The following ADCY2 variants were observed in gnomAD, a reference collection of about 807,000 sequenced individuals.
ADCY2 encodes the protein adenylate cyclase 2.
Under a neutral mutation model 125.2 loss-of-function variants are expected in ADCY2, and 31 were observed. The observed-to-expected ratio is 0.25, with a 90% CI of 0.19 to 0.33. The LOEUF is 0.33. Among genes scored for constraint, ADCY2 ranks in the 10% least tolerant of loss-of-function variants. The pLI, the probability that ADCY2 is intolerant of heterozygous loss-of-function variation, is 1.00. For missense variants in ADCY2, 904 were observed against 1,418.2 expected, an observed-to-expected ratio of 0.64 and a Z score of 5.82; for synonymous variants, 512 against 548.4, an observed-to-expected ratio of 0.93 and a Z score of 0.93.
chr5:7,636,506 A>T (rs1297473436), intron 4 of ADCY2, among the ~76,000 whole-genome samples: 1 of 152,218 alleles, frequency 6.6e-6, no homozygotes, highest in Non-Finnish European at 1.5e-5. Flanking sequence ...TGGTTACCAG[A>T]AGGCAGTATA....
intron 3 of ADCY2, among the ~76,000 whole-genome samples, chr5:7,615,300 C>T (rs1448229810): frequency 6.6e-6 from 1 of 152,164 alleles, no homozygotes; most frequent in African/African-American, 2.4e-5. Flanking sequence ...GGTAAGGAAA[C>T]TTCTGTTGCT....
At position 7,827,468 on chromosome 5, in the gene ADCY2, G is replaced by A. The variant is rs1437241700; in HGVS notation, c.*597G>A. ...CTAGGACCAGTTTTGTATCAAACTC[G>A]TCTGATGTTTTGATGCCATTTGTCT... On this transcript the variant is annotated 3_prime_UTR_variant, in exon 25 of 25. Coordinates refer to ENST00000338316, the MANE Select transcript of ADCY2 (RefSeq NM_020546.3). The A allele has an allele frequency of 1.3e-5, 2 of 152,602 alleles. No homozygotes were observed. The highest frequency in any genetic ancestry group is 6.5e-5 in the Admixed American group (1 of 15,288). The allele number at this position is 152,602 out of a possible 1,614,324, so 9.5% of individuals were successfully genotyped here. A position where few individuals can be genotyped will look rare whatever the true frequency, so the allele number is the denominator to read the frequency against.
chr5:7,664,412 A>G (rs1431206657), intron 4 of ADCY2, among the ~76,000 whole-genome samples: 1 of 152,176 alleles, frequency 6.6e-6, no homozygotes, highest in East Asian at 1.9e-4. Context: ...CTTTCCCTTC[A>G]GGAATGGAAA....
At chr5:7,797,129 C>T (rs1744445194) in intron 20 of ADCY2, 1 of 152,258 alleles carries the variant, frequency 6.6e-6, no homozygotes, top group Non-Finnish European at 1.5e-5. Context: ...GCGTCCTCTG[C>T]AGGAGGGTCA....
At chr5:7,629,109 G>A (rs1327686432) in intron 4 of ADCY2, among the ~76,000 whole-genome samples, 2 of 152,230 alleles carry the variant, frequency 1.3e-5, no homozygotes, top group African/African-American at 4.8e-5. Flanking sequence ...CCAGAAAACA[G>A]TTTCAGTCAT....
intron 2 of ADCY2, among the ~76,000 whole-genome samples, chr5:7,418,397 C>T (rs1167443510): frequency 6.6e-6 from 1 of 152,134 alleles, no homozygotes; most frequent in Non-Finnish European, 1.5e-5. Flanking sequence ...GGCCCTCTCA[C>T]CCAAGGCATG....
In ADCY2 at chr5:7,772,971, TC is replaced by T; in HGVS notation, c.2256del (p.Val753CysfsTer5). On this transcript the variant is annotated frameshift_variant, in exon 18 of 25. Transcript: ENST00000338316. LOFTEE classifies it high-confidence loss of function. ...YSCILGLISC[S>X]VFLRVNYELK... ...CTGCATTCTGGGACTGATATCCTGT[TC>T]CGTGTTCCTGCGGGTAAACTATGAG... The T allele has an allele frequency of 6.2e-7, 1 of 1,614,180 alleles. No individual in the cohort carries two copies. Among genetic ancestry groups the T allele is most frequent in the Non-Finnish European group, 8.5e-7 (1 of 1,180,034 alleles).
chr5:7,756,319 G>A lies in ADCY2; in HGVS notation c.1957-1130G>A, dbSNP rs187296658. Among the ~76,000 whole-genome samples, 990 of 152,326 alleles carry A rather than the reference G, an allele frequency of 6.5e-3. 4 individuals are homozygous for A. The highest frequency in any genetic ancestry group is 0.01 in the Non-Finnish European group (687 of 68,030). On this transcript the variant is annotated intron_variant, in intron 15 of 24. Coordinates refer to ENST00000338316, the MANE Select transcript of ADCY2 (RefSeq NM_020546.3). ...ACTGAGACCCCATGGTGAATGGGGA[G>A]CAAATGCTGGCTGTCGTTCCCCAAA...
intron 2 of ADCY2, among the ~76,000 whole-genome samples, chr5:7,431,894 C>T (rs887231923): frequency 1.3e-5 from 2 of 152,058 alleles, no homozygotes; most frequent in African/African-American, 2.4e-5. Flanking sequence ...GTGAGGGCCC[C>T]ACCCTCAAGC....
chr5:7,744,940 T>C (rs554737154), intron 15 of ADCY2, among the ~76,000 whole-genome samples: 56 of 152,370 alleles, frequency 3.7e-4, no homozygotes, highest in African/African-American at 1.2e-3. Flanking sequence ...AACAACGCAT[T>C]TAGATGACAC....
intron 3 of ADCY2, among the ~76,000 whole-genome samples, chr5:7,573,551 C>G (rs1231328854): frequency 6.8e-6 from 1 of 147,702 alleles, no homozygotes; most frequent in Non-Finnish European, 1.5e-5. Flanking sequence ...ACATAAAAAA[C>G]TGGGAAAACA....
chr5:7,718,912 T>G (rs757053769), intron 12 of ADCY2, among the ~76,000 whole-genome samples: 2 of 152,152 alleles, frequency 1.3e-5, no homozygotes, highest in Non-Finnish European at 2.9e-5. Context: ...AAATAGCATC[T>G]GATACTGTGT....
intron 22 of ADCY2, among the ~76,000 whole-genome samples, chr5:7,810,244 T>A (rs1366736867): frequency 3.3e-5 from 5 of 151,564 alleles, no homozygotes; most frequent in Non-Finnish European, 7.4e-5. Context: ...TGGGTTATCT[T>A]CCTGATTGAT....
chr5:7,474,064 C>T (rs1372991118), intron 2 of ADCY2, among the ~76,000 whole-genome samples: 2 of 152,174 alleles, frequency 1.3e-5, no homozygotes, highest in African/African-American at 2.4e-5. Context: ...TGCTCTGTGA[C>T]CTCAGCTCTC....
chr5:7,400,569 G>A (rs866767659), intron 1 of ADCY2, among the ~76,000 whole-genome samples: 25 of 152,170 alleles, frequency 1.6e-4, no homozygotes, highest in African/African-American at 6.0e-4. Flanking sequence ...CCCAATAGGT[G>A]GAAGAATCAC....
chr5:7,704,023 G>A (rs1261708764), intron 7 of ADCY2, among the ~76,000 whole-genome samples: 1 of 150,486 alleles, frequency 6.6e-6, no homozygotes, highest in Non-Finnish European at 1.5e-5. Flanking sequence ...AGTTTATTTT[G>A]TTACACCCCT....
At chr5:7,763,733 T>G (rs1299638194) in intron 16 of ADCY2, among the ~76,000 whole-genome samples, 1 of 152,208 alleles carries the variant, frequency 6.6e-6, no homozygotes, top group East Asian at 1.9e-4. Flanking sequence ...GTTCCTTTTC[T>G]TCTGGAAGCC....
In ADCY2 at chr5:7,396,528, C is replaced by T. The variant is rs1739048442; in HGVS notation, c.210+22C>T. On this transcript the variant is annotated intron_variant, in intron 1 of 24. Coordinates refer to ENST00000338316, the MANE Select transcript of ADCY2 (RefSeq NM_020546.3). This position sits in a 1 kb window ranked among gnomAD's most constrained non-coding sequence, Gnocchi z 5.7. ...GCTGGTGAGTGGCCTCCCCGCGGGT[C>T]CAGCGCCGCGCCTTCCCCGGCCCTG... 2 of 1,546,596 alleles carry T rather than the reference C, an allele frequency of 1.3e-6. No homozygotes were observed. The highest frequency in any genetic ancestry group is 1.2e-5 in the South Asian group (1 of 86,366).
rs193159735 is a variant in ADCY2, at chr5:7,416,998, T to G, written c.408+2228T>G. 9.3e-4 allele frequency among the ~76,000 whole-genome samples: 142 copies of G among 152,340 alleles called. 2 individuals are homozygous for G. The Middle Eastern group carries it at 0.02, about 22-fold the overall frequency. On this transcript the variant is annotated intron_variant, in intron 2 of 24. Coordinates refer to ENST00000338316, the MANE Select transcript of ADCY2 (RefSeq NM_020546.3). ...TGTTCAATGAAAAGTCCATTTGGGT[T>G]CTGGATTTAAATTATATTGAATTTC...
Sources: gnomAD v4.1 joint callset for allele counts (sites outside exome capture counted in the v4.1 genomes callset) on GRCh38, gnomAD v4.1.1 for gene constraint, Gnocchi (gnomAD v3.1) non-coding constraint, MANE v1.5 for transcripts, NCBI Gene and HGNC (gene_info 2026-07-23, HGNC 2026-07-21) for gene names.